Variants in ARL2 observed in about 807,000 individuals in gnomAD.
ARL2 encodes ADP-ribosylation factor-like protein 2.
Under a neutral mutation model 22.0 loss-of-function variants are expected in ARL2, and 11 were observed. The ratio of observed to expected loss-of-function variants is 0.50; its 90% confidence interval spans 0.31 to 0.83. ARL2 has a LOEUF of 0.83. Among genes scored for constraint, ARL2 ranks in the 40% least tolerant of loss-of-function variants. The pLI is 0.04. For synonymous variants in ARL2, 111 were observed against 100.8 expected (o/e 1.10, Z -0.61); for missense variants, 216 against 243.2 (o/e 0.89, Z 0.74).
In ARL2 at chr11:65,018,764, A is replaced by G. The variant is rs1162857423; in HGVS notation, c.339+31A>G. 1 of 1,612,370 alleles carries G rather than the reference A, an allele frequency of 6.2e-7. No individual in the cohort carries two copies. The highest frequency in any genetic ancestry group is 8.5e-7 in the Non-Finnish European group (1 of 1,179,880). ...CAGCTCCTACCCTTTGTGTACATGT[A>G]TGGACGTGTGGCTGCCTTCTCAGCA... On this transcript the variant is annotated intron_variant, in intron 3 of 4. Transcript: ENST00000246747. This position sits in a 1 kb window ranked among gnomAD's most constrained non-coding sequence, Gnocchi z 4.2.
At chr11:65,017,431 G>T (rs1277367599) in intron 1 of ARL2, among the ~76,000 whole-genome samples, 1 of 152,090 alleles carries the variant, frequency 6.6e-6, no homozygotes, top group Non-Finnish European at 1.5e-5. Flanking sequence ...CCTGACCTCA[G>T]ATGATCCACC....
chr11:65,015,552 C>T (rs1305256342), intron 1 of ARL2, among the ~76,000 whole-genome samples: 1 of 151,884 alleles, frequency 6.6e-6, no homozygotes, highest in Non-Finnish European at 1.5e-5. Flanking sequence ...CATGGAAATT[C>T]TGTAATGCGT....
At position 65,018,710 on chromosome 11, in the gene ARL2, C is replaced by A. The variant is rs533989493; in HGVS notation, c.316C>A (p.Leu106Ile). The A allele has an allele frequency of 2.5e-6, 4 of 1,614,168 alleles. No homozygotes were observed. The African/African-American group carries it at 5.3e-5, about 22-fold the overall frequency. The change falls in exon 3 of 5, where the codon CTC (leucine) becomes ATC (isoleucine). Residue 106 changes from leucine to isoleucine, a missense_variant. Physicochemically the swap from Leu to Ile is conservative, Grantham distance 5 (BLOSUM62 2). Coordinates refer to ENST00000246747, the MANE Select transcript of ARL2 (RefSeq NM_001667.4). The surrounding 1 kb of genome is among the most constrained non-coding windows in gnomAD (Gnocchi z 4.2). ...RQRMQDCQRE[L>I]QSLLVEERLA... ...GCGCATGCAGGACTGCCAGCGGGAG[C>A]TCCAGAGCCTGCTGGTGGAGGAGGT...
At chr11:65,020,605 A>G in intron 4 of ARL2, 106 bp downstream of exon 4, 1 of 1,181,842 alleles carries the variant, frequency 8.5e-7, no homozygotes, top group South Asian at 1.5e-5. Flanking sequence ...GCAGTGGCTC[A>G]CGCCTGTAAT....
At position 65,022,087 on chromosome 11, in the gene ARL2, G is replaced by C; in HGVS notation, c.*232G>C. ...ACCTGGCCTTTGGCTACCATACCAAGAAGAGAGGGCTGGGCGGGGAGGAGC... is the reference window on the plus strand; with the variant it reads ...ACCTGGCCTTTGGCTACCATACCAACAAGAGAGGGCTGGGCGGGGAGGAGC... On this transcript the variant is annotated 3_prime_UTR_variant, in exon 5 of 5. Transcript: ENST00000246747. The C allele has an allele frequency of 1.7e-6, 1 of 574,096 alleles. No individual in the cohort carries two copies. The highest frequency in any genetic ancestry group is 3.0e-6 in the Non-Finnish European group (1 of 328,438). 35.6% of individuals were successfully genotyped at this position (574,096 alleles called of 1,614,324 possible). A position where few individuals can be genotyped will look rare whatever the true frequency, so the allele number is the denominator to read the frequency against.
chr11:65,015,200 G>A (rs999550392), intron 1 of ARL2, among the ~76,000 whole-genome samples: 1 of 151,986 alleles, frequency 6.6e-6, no homozygotes, highest in Non-Finnish European at 1.5e-5. Context: ...TGCAACCTCC[G>A]CCCCCCGAGT....
intron 1 of ARL2, among the ~76,000 whole-genome samples, chr11:65,014,852 C>G (rs1035181697): frequency 6.6e-6 from 1 of 152,248 alleles, no homozygotes; most frequent in African/African-American, 2.4e-5. Flanking sequence ...GCGCCCGCAC[C>G]TGTTCCCCCA....
In ARL2 at chr11:65,020,519, C is replaced by T; in HGVS notation, c.420+20C>T. On this transcript the variant is annotated intron_variant, in intron 4 of 4. Coordinates refer to ENST00000246747, the MANE Select transcript of ARL2 (RefSeq NM_001667.4). ...CGCGAGGTGAGTCCAGGCCCCGGGA[C>T]AGGCTCGCTGAGGGAAAGGGGCATA... The T allele has an allele frequency of 6.3e-7, 1 of 1,591,508 alleles. No individual in the cohort carries two copies. The highest frequency in any genetic ancestry group is 1.1e-5 in the South Asian group (1 of 88,752).
rs527802926 is a variant in ARL2 at position 65,019,177 on chromosome 11, C to G, written c.339+444C>G. The G allele has an allele frequency of 4.5e-3, 1,492 of 328,954 alleles. 28 individuals are homozygous for G. The highest frequency in any genetic ancestry group is 0.03 in the African/African-American group (1,402 of 46,008). 20.4% of individuals were successfully genotyped at this position (328,954 alleles called of 1,614,324 possible). On this transcript the variant is annotated intron_variant, in intron 3 of 4. Transcript: ENST00000246747. Reference sequence around the variant, plus strand: ...AGTTGAGCCCAGGAGGTTGAGGCTGCAGTGAGCTGTGATCGTGCCACTGCA... The same window carrying G: ...AGTTGAGCCCAGGAGGTTGAGGCTGGAGTGAGCTGTGATCGTGCCACTGCA...
rs899242111 is a variant in ARL2 at position 65,018,965 on chromosome 11, G to A, written c.339+232G>A. 1 of 1,493,638 alleles carries A rather than the reference G, an allele frequency of 6.7e-7. No homozygotes were observed. The highest frequency in any genetic ancestry group is 8.9e-7 in the Non-Finnish European group (1 of 1,119,416). 92.5% of individuals were successfully genotyped at this position (1,493,638 alleles called of 1,614,324 possible). ...CACTACCCTGAGCATCAGTTTCTAT[G>A]CCTTGAAATGGTGATGATGACACCC... On this transcript the variant is annotated intron_variant, in intron 3 of 4. Coordinates refer to ENST00000246747, the MANE Select transcript of ARL2 (RefSeq NM_001667.4). The surrounding 1 kb of genome is among the most constrained non-coding windows in gnomAD (Gnocchi z 4.2).
intron 1 of ARL2, 138 bp downstream of exon 1, chr11:65,014,410 A>C: frequency 2.0e-5 from 13 of 660,092 alleles, no homozygotes; most frequent in Admixed American, 4.3e-5. Flanking sequence ...GGCCCCATCA[A>C]TCGCCCCGTC....
intron 1 of ARL2, among the ~76,000 whole-genome samples, 159 bp downstream of exon 1, chr11:65,014,431 G>A (rs1240131106): frequency 1.3e-5 from 2 of 152,156 alleles, no homozygotes; most frequent in South Asian, 2.1e-4. Context: ...GGGCCGGGAG[G>A]AGCCGCACCC....
chr11:65,014,523 CAG>C (rs530550233), intron 1 of ARL2, among the ~76,000 whole-genome samples: 2 of 152,320 alleles, frequency 1.3e-5, no homozygotes, highest in South Asian at 4.1e-4. Context: ...GCCCGAGTGT[CAG>C]GGGTGGTGGG....
In ARL2 at chr11:65,021,738, C is replaced by T; in HGVS notation, c.438C>T (p.Ser146=). 1 of 1,606,504 alleles carries T rather than the reference C, an allele frequency of 6.2e-7. No homozygotes were observed. ...NAIREVLELD[S]IRSHHWCIQG... is the part of the protein sequence containing the mutation. ...CCTCCCAGGTCCTGGAGCTGGACTC[C>T]ATCCGCAGCCACCACTGGTGCATCC... Residue 146 remains serine (S), a synonymous_variant, in exon 5 of 5, where the codon TCC becomes TCT. Transcript: ENST00000246747.
chr11:65,018,722 CT>C lies in ARL2; in HGVS notation c.329del (p.Leu110ArgfsTer84). The C allele has an allele frequency of 6.2e-7, 1 of 1,614,092 alleles. No homozygotes were observed. Among genetic ancestry groups the C allele is most frequent in the Non-Finnish European group, 8.5e-7 (1 of 1,180,024 alleles). On this transcript the variant is annotated frameshift_variant, in exon 3 of 5. Coordinates refer to ENST00000246747, the MANE Select transcript of ARL2 (RefSeq NM_001667.4). LOFTEE classifies it high-confidence loss of function. This position sits in a 1 kb window ranked among gnomAD's most constrained non-coding sequence, Gnocchi z 4.2. ...CTGCCAGCGGGAGCTCCAGAGCCTG[CT>C]GGTGGAGGAGGTGGGCAGCTCCTAC... ...QDCQRELQSL[L>X]VEERLAGATL...
In ARL2 at chr11:65,021,956, C is replaced by G. The variant is rs1057176161; in HGVS notation, c.*101C>G. On this transcript the variant is annotated 3_prime_UTR_variant, in exon 5 of 5. Transcript: ENST00000246747. ...GTCAGCCGGCCAAACTAACACTCCC[C>G]CTCCTCCACCCCAGCCTGCTGCTGC... 4.3e-5 allele frequency: 63 copies of G among 1,466,728 alleles called. No homozygotes were observed. The highest frequency in any genetic ancestry group is 5.5e-5 in the Non-Finnish European group (60 of 1,089,032). 90.9% of individuals were successfully genotyped at this position (1,466,728 alleles called of 1,614,324 possible).
chr11:65,019,195 C>A, intron 3 of ARL2: 1 of 294,320 alleles, frequency 3.4e-6, no homozygotes, highest in Non-Finnish European at 6.7e-6. Flanking sequence ...TGTGATCGTG[C>A]CACTGCACTC....
At chr11:65,017,864 G>A (rs1032315696) in intron 1 of ARL2, among the ~76,000 whole-genome samples, 3 of 152,256 alleles carry the variant, frequency 2.0e-5, no homozygotes, top group Non-Finnish European at 2.9e-5. Flanking sequence ...GAGGGTGGCT[G>A]CCTCCAGATA....
At chr11:65,021,671 G>A (rs1946329015) in intron 4 of ARL2, 50 bp from the exon 5 acceptor site, 2 of 1,548,184 alleles carry the variant, frequency 1.3e-6, no homozygotes, top group African/African-American at 2.7e-5. Context: ...CTGACGGCAG[G>A]CAGGGTCTGC....
Sources: allele counts gnomAD v4.1 joint callset (sites outside exome capture counted in the v4.1 genomes callset), GRCh38; gene constraint gnomAD v4.1.1; non-coding constraint Gnocchi (gnomAD v3.1); transcripts MANE v1.5; gene names NCBI Gene and HGNC (gene_info 2026-07-23, HGNC 2026-07-21).